The following KPNA3 variants were observed in gnomAD, a reference collection of about 807,000 sequenced individuals.
KPNA3 encodes importin subunit alpha-4.
In KPNA3, 13 loss-of-function variants were observed where a neutral mutation model predicts 73.8. The ratio of observed to expected loss-of-function variants is 0.18; its 90% CI spans 0.11 to 0.28. KPNA3 has a LOEUF of 0.28. Ranked by LOEUF, KPNA3 falls within the 10% of genes least tolerant of loss-of-function variation. KPNA3 has a pLI of 1.00. For missense variants in KPNA3, 360 were observed against 618.1 expected (o/e 0.58, Z 4.43); for synonymous variants, 186 against 206.9 (o/e 0.90, Z 0.87).
At chr13:49,781,011 C>T (rs898974749) in intron 1 of KPNA3, among the ~76,000 whole-genome samples, 6 of 152,106 alleles carry the variant, frequency 3.9e-5, no homozygotes, top group African/African-American at 1.4e-4. Flanking sequence ...GTAAGGCCAC[C>T]GCGTCCAGCC....
intron 1 of KPNA3, among the ~76,000 whole-genome samples, chr13:49,762,553 C>CCATA (rs1364798856): frequency 8.5e-5 from 13 of 152,188 alleles, no homozygotes; most frequent in African/African-American, 2.9e-4. Flanking sequence ...TGCTGTTGAT[C>CCATA]TATGACCTTG....
At chr13:49,735,590 G>A (rs780926200) in intron 2 of KPNA3, among the ~76,000 whole-genome samples, 30 of 152,190 alleles carry the variant, frequency 2.0e-4, no homozygotes, top group Non-Finnish European at 3.1e-4. Flanking sequence ...TTCAGCATCC[G>A]TAAAGGGTAT....
intron 10 of KPNA3, among the ~76,000 whole-genome samples, chr13:49,712,219 T>C (rs1407641370): frequency 4.6e-5 from 7 of 152,018 alleles, no homozygotes; most frequent in African/African-American, 1.5e-4. Flanking sequence ...CAATGGAAAA[T>C]AACCCTTCAT....
chr13:49,762,315 C>CT (rs1268486426), intron 1 of KPNA3, among the ~76,000 whole-genome samples: 11 of 152,180 alleles, frequency 7.2e-5, no homozygotes, highest in African/African-American at 1.9e-4. Flanking sequence ...GCCGCCCCTG[C>CT]TGGGAAGTGA....
At chr13:49,768,943 A>C (rs1409302789) in intron 1 of KPNA3, among the ~76,000 whole-genome samples, 1 of 152,272 alleles carries the variant, frequency 6.6e-6, no homozygotes, top group East Asian at 1.9e-4. Context: ...CATGCAAATA[A>C]GGTTGTGGTA....
At chr13:49,767,462 G>C (rs1954818375) in intron 1 of KPNA3, among the ~76,000 whole-genome samples, 1 of 150,954 alleles carries the variant, frequency 6.6e-6, no homozygotes, top group African/African-American at 2.4e-5. Context: ...AATTAAATTA[G>C]AATAAAAAGA....
intron 7 of KPNA3, 47 bp from the exon 8 acceptor site, chr13:49,722,610 G>C (rs143927411): frequency 2.3e-5 from 28 of 1,212,110 alleles, no homozygotes; most frequent in Non-Finnish European, 3.1e-5. Context: ...ATGTTGAAGA[G>C]TTTACAGATT....
chr13:49,768,969 CAGG>C (rs1419664768), intron 1 of KPNA3, among the ~76,000 whole-genome samples: 1 of 152,152 alleles, frequency 6.6e-6, no homozygotes, highest in Non-Finnish European at 1.5e-5. Context: ...CACCAAGTAG[CAGG>C]AGGATTACAG....
In KPNA3 at chr13:49,702,617, T is replaced by TA. The variant is rs1329545980; in HGVS notation, c.1373-138dup. On this transcript the variant is annotated intron_variant, in intron 15 of 16. Transcript: ENST00000261667. ...CCCCCATCTAAGATAGTGGTTTGTC[T>TA]AAAAAACAGACAAAACACGGGGCTG... The TA allele has an allele frequency of 2.4e-5, 12 of 507,634 alleles. 1 individual carries two copies. In the East Asian group the frequency reaches 2.9e-4, roughly 12 times the overall value. The allele number at this position is 507,634 out of a possible 1,614,324, so 31.4% of individuals were successfully genotyped here. A position where few individuals can be genotyped will look rare whatever the true frequency, so the allele number is the denominator to read the frequency against.
chr13:49,731,177 C>T (rs1428894934), intron 6 of KPNA3, among the ~76,000 whole-genome samples: 4 of 151,548 alleles, frequency 2.6e-5, no homozygotes, highest in Non-Finnish European at 4.4e-5. Flanking sequence ...CAGGCTCAAA[C>T]GATCCTCCTA....
intron 10 of KPNA3, among the ~76,000 whole-genome samples, chr13:49,719,027 A>G (rs1434361968): frequency 1.3e-5 from 2 of 152,184 alleles, no homozygotes; most frequent in Non-Finnish European, 2.9e-5. Flanking sequence ...TTAGAATAAA[A>G]GAAACTGGAT....
At chr13:49,730,170 C>T (rs909350625) in intron 6 of KPNA3, among the ~76,000 whole-genome samples, 2 of 151,954 alleles carry the variant, frequency 1.3e-5, no homozygotes, top group Non-Finnish European at 2.9e-5. Context: ...GACACAGACA[C>T]ACAAATGAGT....
At chr13:49,735,834 T>C (rs1466361870) in intron 2 of KPNA3, among the ~76,000 whole-genome samples, 2 of 152,228 alleles carry the variant, frequency 1.3e-5, no homozygotes, top group East Asian at 3.8e-4. Context: ...AGCAGTTAAC[T>C]ATGGGCGATT....
chr13:49,764,764 AAAAG>A (rs200252634), intron 1 of KPNA3, among the ~76,000 whole-genome samples: 4,299 of 152,192 alleles, frequency 0.028, 213 homozygotes, highest in African/African-American at 0.097. Context: ...AAAAAAAAAA[AAAAG>A]AACCTTTCTC....
intron 1 of KPNA3, among the ~76,000 whole-genome samples, chr13:49,763,701 AG>A (rs1335916906): frequency 6.6e-6 from 1 of 152,176 alleles, no homozygotes; most frequent in Non-Finnish European, 1.5e-5. Context: ...TTGGAGGCCT[AG>A]GTGGGCAGAT....
intron 2 of KPNA3, among the ~76,000 whole-genome samples, chr13:49,744,463 TAATA>T (rs1285837688): frequency 6.6e-6 from 1 of 152,230 alleles, no homozygotes; most frequent in African/African-American, 2.4e-5. Context: ...GATTGATGAT[TAATA>T]GATAATAGAC....
rs1196510200 is a variant in KPNA3, at chr13:49,730,769, C to A, written c.383+1602G>T. On this transcript the variant is annotated intron_variant, in intron 6 of 16. Transcript: ENST00000261667. ...TATCTCCTAATGCTATCCCTCCCCCCTCCCCCCTATTTATTCATTTATTTT... is the reference window on the plus strand; with the variant it reads ...TATCTCCTAATGCTATCCCTCCCCCATCCCCCCTATTTATTCATTTATTTT... 8.9e-5 allele frequency among the ~76,000 whole-genome samples: 9 copies of A among 101,184 alleles called. 2 individuals are homozygous for A. In the East Asian group the frequency reaches 3.9e-3, roughly 43 times the overall value. The allele number at this position is 101,184 out of a possible 152,430, so 66.4% of individuals were successfully genotyped here.
chr13:49,786,974 G>T lies in KPNA3; in HGVS notation c.69+5464C>A, dbSNP rs1204099118. Among the ~76,000 whole-genome samples, 8 of 152,184 alleles carry T rather than the reference G, an allele frequency of 5.3e-5. No homozygotes were observed. The South Asian group carries it at 1.4e-3, about 28-fold the overall frequency. Reference sequence around the variant, plus strand: ...TCTAAACTAGGGGCAGAGGAAGTAAGGTTGGTAACAGGTACAAACATGAGG... The same window carrying T: ...TCTAAACTAGGGGCAGAGGAAGTAATGTTGGTAACAGGTACAAACATGAGG... On this transcript the variant is annotated intron_variant, in intron 1 of 16. Transcript: ENST00000261667.
At chr13:49,761,530 T>A (rs1954760801) in intron 1 of KPNA3, among the ~76,000 whole-genome samples, 1 of 152,244 alleles carries the variant, frequency 6.6e-6, no homozygotes, top group African/African-American at 2.4e-5. Flanking sequence ...CGGAGTCTCG[T>A]TCACTCAGTG....
Sources: gnomAD v4.1 joint callset for allele counts (sites outside exome capture counted in the v4.1 genomes callset) on GRCh38, gnomAD v4.1.1 for gene constraint, MANE v1.5 for transcripts, NCBI Gene and HGNC (gene_info 2026-07-23, HGNC 2026-07-21) for gene names.